Variants in CNTNAP4 observed in about 807,000 individuals in gnomAD.
The protein encoded by CNTNAP4 is contactin-associated protein-like 4.
CNTNAP4 carries 98 observed loss-of-function variants against 148.4 expected under a neutral mutation model. The observed-to-expected ratio is 0.66, with a 90% confidence interval of 0.56 to 0.78. The LOEUF (loss-of-function observed/expected upper bound fraction) is 0.78, where lower values mean the gene tolerates loss of function less well. CNTNAP4 is among the 30% of genes least tolerant of loss of function. The pLI, the probability that CNTNAP4 is intolerant of heterozygous loss-of-function variation, is 0.00. For synonymous variants in CNTNAP4, 730 were observed against 565.1 expected (o/e 1.29, Z -4.14); for missense variants, 1,935 against 1,565.6 (o/e 1.24, Z -3.98).
chr16:76,544,207 T>G (rs1325434566), intron 21 of CNTNAP4, among the ~76,000 whole-genome samples: 1 of 151,882 alleles, frequency 6.6e-6, no homozygotes, highest in Non-Finnish European at 1.5e-5. Flanking sequence ...ATATAAACAT[T>G]GCCTTTTTTT....
At chr16:76,354,768 G>A (rs1033707036) in intron 2 of CNTNAP4, among the ~76,000 whole-genome samples, 1 of 152,186 alleles carries the variant, frequency 6.6e-6, no homozygotes, top group Non-Finnish European at 1.5e-5. Context: ...TTCAAATGTG[G>A]TTTTCAACAT....
Position 76,467,398 on chromosome 16 carries a change from T to G in CNTNAP4, c.1530T>G (p.Gly510=). The G allele has an allele frequency of 6.2e-7, 1 of 1,613,906 alleles. No homozygotes were observed. The highest frequency in any genetic ancestry group is 8.5e-7 in the Non-Finnish European group (1 of 1,179,858). The part of the protein sequence containing the change: ...SFGSKCKSPL[G]GFQGCMRLIS... ...GATCCAAATGTAAAAGTCCACTTGG[T>G]GGATTTCAGGGATGTATGAGGCTCA... is the stretch of plus-strand genomic sequence containing the variant. Residue 510 remains glycine (G), a synonymous_variant, in exon 10 of 24, where the codon GGT becomes GGG. Transcript: ENST00000611870.
Position 76,471,117 on chromosome 16 carries a change from C to A in CNTNAP4, c.1655+3594C>A, listed in dbSNP as rs184702268. Among the ~76,000 whole-genome samples, 352 of 151,436 alleles carry A rather than the reference C, an allele frequency of 2.3e-3. 2 individuals carry two copies. The highest frequency in any genetic ancestry group is 8.1e-3 in the African/African-American group (334 of 41,362). On this transcript the variant is annotated intron_variant, in intron 10 of 23. Transcript: ENST00000611870. ...GCAAACACACACAAACACACACATACACACACACACACACTCTTAGAAGCC... is the reference window on the plus strand; with the variant it reads ...GCAAACACACACAAACACACACATAAACACACACACACACTCTTAGAAGCC...
intron 3 of CNTNAP4, among the ~76,000 whole-genome samples, chr16:76,398,533 C>G (rs533814624): frequency 3.9e-5 from 6 of 152,084 alleles, no homozygotes; most frequent in Non-Finnish European, 7.4e-5. Context: ...ATGCACGTCC[C>G]TTTTACACAT....
chr16:76,463,032 C>T (rs1481195145), intron 9 of CNTNAP4, among the ~76,000 whole-genome samples: 1 of 152,070 alleles, frequency 6.6e-6, no homozygotes. Flanking sequence ...AAAGAACAAA[C>T]AAACAAAAAA....
rs776206945 is a variant in CNTNAP4, at chr16:76,452,638, G to T, written c.1202G>T (p.Trp401Leu). The change falls in exon 8 of 24, where the codon TGG becomes TTG. Residue 401 changes from tryptophan to leucine, a missense_variant. Physicochemically the swap from Trp to Leu is moderately conservative, Grantham distance 61 (BLOSUM62 -2). Transcript: ENST00000611870. ...TCTGCCACTTTTCAATTTCGAACTT[G>T]GAATAAGGCAGGGCTTCTGCTGTTC... ...EVSATFQFRT[W>L]NKAGLLLFSE... is the part of the protein sequence containing the mutation. The T allele has an allele frequency of 6.2e-7, 1 of 1,613,882 alleles. No homozygotes were observed. Among genetic ancestry groups the T allele is most frequent in the Non-Finnish European group, 8.5e-7 (1 of 1,179,862 alleles).
intron 15 of CNTNAP4, among the ~76,000 whole-genome samples, chr16:76,519,671 G>T (rs186132198): frequency 1.2e-4 from 19 of 152,232 alleles, no homozygotes; most frequent in Admixed American, 1.3e-4. Context: ...TTGTCCTAGA[G>T]ATCCAAAGGT....
chr16:76,432,428 G>A (rs1000796883), intron 4 of CNTNAP4: 12 of 152,162 alleles, frequency 7.9e-5, no homozygotes, highest in African/African-American at 2.9e-4. Context: ...AGAAGTAGAG[G>A]CTAAATTTTA....
Position 76,355,937 on chromosome 16 carries a change from C to T in CNTNAP4, c.390+426C>T, listed in dbSNP as rs137981309. On this transcript the variant is annotated intron_variant, in intron 3 of 23. Coordinates refer to ENST00000611870, the MANE Select transcript of CNTNAP4 (RefSeq NM_033401.5). ...GTCACCCAGGCTGGTTGCAGTGGCG[C>T]GATCTTGGCTCACTGCAACCTCTGC... Among the ~76,000 whole-genome samples the T allele has an allele frequency of 9.2e-3, 1,403 of 151,694 alleles. 21 individuals carry two copies. Among genetic ancestry groups the T allele is most frequent in the Non-Finnish European group, 0.011 (717 of 67,936 alleles).
At chr16:76,557,799 T>C (rs1289747733) in intron 23 of CNTNAP4, 2 of 152,212 alleles carry the variant, frequency 1.3e-5, no homozygotes, top group Non-Finnish European at 2.9e-5. Context: ...TGAAATAGTT[T>C]TGAGCCCCTG....
At chr16:76,483,520 C>T (rs1432726337) in intron 12 of CNTNAP4, among the ~76,000 whole-genome samples, 1 of 152,194 alleles carries the variant, frequency 6.6e-6, no homozygotes, top group African/African-American at 2.4e-5. Context: ...GCCAAGAGCA[C>T]TGTAGCTCAC....
Position 76,309,484 on chromosome 16 carries a change from G to A in CNTNAP4, c.86-6929G>A, listed in dbSNP as rs1167793423. 2.0e-5 allele frequency among the ~76,000 whole-genome samples: 3 copies of A among 152,076 alleles called. No individual in the cohort carries two copies. In the East Asian group the frequency reaches 5.8e-4, roughly 29 times the overall value. The stretch of plus-strand genomic sequence containing the variant: ...GCTGTAGGCAGGCTGACCAGAAGTG[G>A]GGCATCCTATGGGATTAGTTAGAGG... On this transcript the variant is annotated intron_variant, in intron 1 of 23. Coordinates refer to ENST00000611870, the MANE Select transcript of CNTNAP4 (RefSeq NM_033401.5).
intron 15 of CNTNAP4, among the ~76,000 whole-genome samples, chr16:76,516,870 C>T (rs1162750110): frequency 1.3e-5 from 2 of 152,124 alleles, no homozygotes; most frequent in South Asian, 4.1e-4. Flanking sequence ...TCGAGACCAG[C>T]CTGGCCAACA....
chr16:76,487,275 C>G (rs779396122), intron 12 of CNTNAP4, among the ~76,000 whole-genome samples: 2 of 152,070 alleles, frequency 1.3e-5, no homozygotes, highest in Non-Finnish European at 2.9e-5. Flanking sequence ...TTGTTTATTC[C>G]CTCATTTCTT....
chr16:76,527,301 G>C (rs1018553873), intron 17 of CNTNAP4, among the ~76,000 whole-genome samples: 2 of 152,156 alleles, frequency 1.3e-5, no homozygotes, highest in African/African-American at 4.8e-5. Flanking sequence ...CCTGAAATAT[G>C]TTAGGGTTAA....
intron 9 of CNTNAP4, among the ~76,000 whole-genome samples, chr16:76,465,383 A>C (rs1460815081): frequency 2.6e-5 from 4 of 152,130 alleles, no homozygotes; most frequent in African/African-American, 9.7e-5. Context: ...TTGCTTATTG[A>C]ACATTGTAGC....
At chr16:76,522,596 CTT>C (rs56962971) in intron 17 of CNTNAP4, among the ~76,000 whole-genome samples, 5 of 91,514 alleles carry the variant, frequency 5.5e-5, no homozygotes, top group Non-Finnish European at 9.7e-5. Flanking sequence ...CTCTCTCTCT[CTT>C]TCTTTTCTTT....
chr16:76,463,701 C>G (rs1259987408), intron 9 of CNTNAP4, among the ~76,000 whole-genome samples: 1 of 152,104 alleles, frequency 6.6e-6, no homozygotes, highest in Non-Finnish European at 1.5e-5. Context: ...AAGTATACAC[C>G]TACCCATGTG....
chr16:76,385,610 A>C (rs2016446859), intron 3 of CNTNAP4, among the ~76,000 whole-genome samples: 1 of 151,658 alleles, frequency 6.6e-6, no homozygotes, highest in Non-Finnish European at 1.5e-5. Flanking sequence ...TTATGCGTGG[A>C]AATTATGTTC....
Sources: gnomAD v4.1 joint callset for allele counts (sites outside exome capture counted in the v4.1 genomes callset) on GRCh38, gnomAD v4.1.1 for gene constraint, MANE v1.5 for transcripts, NCBI Gene and HGNC (gene_info 2026-07-23, HGNC 2026-07-21) for gene names.